Variants in LHX1 observed in about 807,000 individuals in gnomAD.
The protein encoded by LHX1 is LIM/homeobox protein Lhx1.
Under a neutral mutation model 34.1 loss-of-function variants are expected in LHX1, and 9 were observed. That is an observed-to-expected ratio of 0.26 (90% CI 0.16 to 0.46). The LOEUF is 0.46. LHX1 is among the 20% of genes least tolerant of loss of function. The pLI, the probability that LHX1 is intolerant of heterozygous loss-of-function variation, is 1.00. For synonymous variants in LHX1, 254 were observed against 241.5 expected, an observed-to-expected ratio of 1.05 and a Z score of -0.48; for missense variants, 446 against 559.1, an observed-to-expected ratio of 0.80 and a Z score of 2.04.
At position 36,943,197 on chromosome 17, in the gene LHX1, GAA is replaced by G. The variant is rs35033250; in HGVS notation, c.*76_*77del. On this transcript the variant is annotated 3_prime_UTR_variant, in exon 5 of 5. Coordinates refer to ENST00000614239, the MANE Select transcript of LHX1 (RefSeq NM_005568.5). ...AATGAACCTTTATTTAAGAAAAATA[GAA>G]AAAAAAAAACATAAAAAGCAAGTCC... 35,433 of 1,304,200 alleles carry G rather than the reference GAA, an allele frequency of 0.027. 1,392 individuals are homozygous for G. Among genetic ancestry groups the G allele is most frequent in the African/African-American group, 0.18 (11,820 of 66,640 alleles). 80.8% of individuals were successfully genotyped at this position (1,304,200 alleles called of 1,614,324 possible).
chr17:36,939,924 C>T (rs1180342114), intron 1 of LHX1: 1 of 426,928 alleles, frequency 2.3e-6, no homozygotes, highest in South Asian at 3.5e-5. Flanking sequence ...CCCCGTTCCC[C>T]CCGCCCACAC....
At position 36,940,894 on chromosome 17, in the gene LHX1, C is replaced by T. The variant is rs1243926465; in HGVS notation, c.675+7C>T. 2 of 1,576,208 alleles carry T rather than the reference C, an allele frequency of 1.3e-6. No individual in the cohort carries two copies. The highest frequency in any genetic ancestry group is 2.3e-5 in the South Asian group (2 of 87,672). ...CAACATGCGCGTCATTCAGGTCAGGCCCCGGCGCGCCTCTCCATCCCACAG... is the reference window on the plus strand; with the variant it reads ...CAACATGCGCGTCATTCAGGTCAGGTCCCGGCGCGCCTCTCCATCCCACAG... On this transcript the variant is annotated splice_region_variant and intron_variant, in intron 3 of 4. Transcript: ENST00000614239.
Position 36,938,243 on chromosome 17 carries a change from C to T in LHX1, c.46C>T (p.Leu16Phe). The T allele has an allele frequency of 3.1e-6, 5 of 1,614,172 alleles. No individual in the cohort carries two copies. The highest frequency in any genetic ancestry group is 4.2e-6 in the Non-Finnish European group (5 of 1,180,028). ...GCKRPILDRFLLNVLDRAWHV... is the reference protein window; with the variant it reads ...GCKRPILDRFFLNVLDRAWHV... ...CAAAAGGCCCATCCTGGACCGCTTT[C>T]TCTTGAACGTGCTGGACAGGGCCTG... Residue 16 changes from leucine to phenylalanine, a missense_variant, in exon 1 of 5, where the codon CTC becomes TTC. Leu to Phe is a conservative substitution (Grantham distance 22). This residue lies in a region of LHX1 where 168 missense variants were observed against 226.6 expected (regional missense o/e 0.74). Transcript: ENST00000614239.
Position 36,942,993 on chromosome 17 carries a change from G to C in LHX1, c.1083G>C (p.Leu361=). 1 of 1,611,294 alleles carries C rather than the reference G, an allele frequency of 6.2e-7. No homozygotes were observed. The highest frequency in any genetic ancestry group is 8.5e-7 in the Non-Finnish European group (1 of 1,179,244). The change falls in exon 5 of 5, where the codon CTG becomes CTC. Residue 361 remains leucine, a synonymous_variant. Coordinates refer to ENST00000614239, the MANE Select transcript of LHX1 (RefSeq NM_005568.5). ...PGDSPSPEPS[L]PGPLHSMSAE... is the part of the protein sequence containing the mutation. ...ACTCGCCCAGCCCCGAGCCCAGCCT[G>C]CCCGGGCCTCTGCACTCCATGTCGG...
chr17:36,937,272 C>G (rs1168639693), upstream of LHX1: 3 of 444,172 alleles, frequency 6.8e-6, no homozygotes, highest in East Asian at 1.5e-4. Flanking sequence ...TAGTGCCTCC[C>G]GAAGGAGCCC....
rs2070770937 is a variant in LHX1 at position 36,942,338 on chromosome 17, C to A, written c.814C>A (p.Pro272Thr). Residue 272 changes from proline to threonine, a missense_variant, in exon 4 of 5, where the codon CCC becomes ACC. Physicochemically the swap from Pro to Thr is conservative, Grantham distance 38. Coordinates refer to ENST00000614239, the MANE Select transcript of LHX1 (RefSeq NM_005568.5). ...VDRLEPGELI[P>T]NGPFSFYGDY... The stretch of plus-strand genomic sequence containing the variant: ...CCGCCTGGAGCCGGGCGAGCTCATC[C>A]CCAATGGTCCCTTCTCCTTCTACGG... 3.8e-6 allele frequency: 6 copies of A among 1,589,214 alleles called. No individual in the cohort carries two copies. The highest frequency in any genetic ancestry group is 5.1e-6 in the Non-Finnish European group (6 of 1,168,924).
rs2070785717 is a variant in LHX1 at position 36,943,924 on chromosome 17, C to CA, written c.*798dup. ...AAGAAAAGTATTCTACCTTCACACA[C>CA]AAAAAGTTAAAAAAAAAAAAAAAGA... On this transcript the variant is annotated 3_prime_UTR_variant, in exon 5 of 5. Coordinates refer to ENST00000614239, the MANE Select transcript of LHX1 (RefSeq NM_005568.5). 1 of 60,224 alleles carries CA rather than the reference C, an allele frequency of 1.7e-5. No homozygotes were observed. The highest frequency in any genetic ancestry group is 3.5e-5 in the Non-Finnish European group (1 of 28,706). 3.7% of individuals were successfully genotyped at this position (60,224 alleles called of 1,614,324 possible). A position where few individuals can be genotyped will look rare whatever the true frequency, so the allele number is the denominator to read the frequency against.
Position 36,943,504 on chromosome 17 carries a change from T to G in LHX1, c.*373T>G. 1.5e-5 allele frequency: 3 copies of G among 203,832 alleles called. No homozygotes were observed. The highest frequency in any genetic ancestry group is 2.0e-5 in the Non-Finnish European group (2 of 102,218). The allele number at this position is 203,832 out of a possible 1,614,324, so 12.6% of individuals were successfully genotyped here. Reference sequence around the variant, plus strand: ...CGCGGGTGCGCACAGCCGTTGGCGATGCCAGGAGCCGTGGGGAGGGAGGCC... The same window carrying G: ...CGCGGGTGCGCACAGCCGTTGGCGAGGCCAGGAGCCGTGGGGAGGGAGGCC... On this transcript the variant is annotated 3_prime_UTR_variant, in exon 5 of 5. Transcript: ENST00000614239.
chr17:36,941,524 T>C (rs1194895008), intron 3 of LHX1: 1 of 268,816 alleles, frequency 3.7e-6, no homozygotes, highest in Non-Finnish European at 7.3e-6. Flanking sequence ...CAGTGCTAGG[T>C]GTCCGGTTCA....
rs1312081331 is a variant in LHX1 at position 36,942,896 on chromosome 17, A to G, written c.986A>G (p.His329Arg). The G allele has an allele frequency of 6.3e-7, 1 of 1,595,920 alleles. No individual in the cohort carries two copies. Among genetic ancestry groups the G allele is most frequent in the Non-Finnish European group, 8.5e-7 (1 of 1,171,346 alleles). ...PSGTPLGGLE[H>R]PLPGHHPSSE... is the part of the protein sequence containing the mutation. ...GGGACGCCCCTGGGTGGCCTGGAGC[A>G]CCCGCTGCCGGGCCACCACCCGTCG... is the stretch of plus-strand genomic sequence containing the variant. Residue 329 changes from histidine (H) to arginine (R), a missense_variant, in exon 5 of 5, where the codon CAC becomes CGC. Around this residue, in one of 3 missense-constraint regions of LHX1, gnomAD observed 235 missense variants for 224.4 expected, o/e 1.05. Transcript: ENST00000614239.
At chr17:36,940,255 C>CA in intron 1 of LHX1, 35 bp from the exon 2 acceptor site, 1 of 474,264 alleles carries the variant, frequency 2.1e-6, no homozygotes. Context: ...GCTGACCCAT[C>CA]CCCGCCCCCG....
Position 36,940,617 on chromosome 17 carries a change from G to C in LHX1, c.405G>C (p.Thr135=). Residue 135 remains threonine (T), a synonymous_variant, in exon 3 of 5, where the codon ACG becomes ACC. Transcript: ENST00000614239. ...CTGTCCTTTCCCTCTTAGCCACCAC[G>C]GGCAGTGACCCCAGTTTGTCTCCGG... ...AKENSLHSAT[T]GSDPSLSPDS... 2 of 1,613,760 alleles carry C rather than the reference G, an allele frequency of 1.2e-6. No individual in the cohort carries two copies. Among genetic ancestry groups the C allele is most frequent in the Non-Finnish European group, 1.7e-6 (2 of 1,180,022 alleles).
At chr17:36,937,137 C>T (rs1025915527), upstream of LHX1, 6 of 409,416 alleles carry the variant, frequency 1.5e-5, no homozygotes, top group African/African-American at 4.3e-5. Flanking sequence ...GAAAGTCGAG[C>T]GACTGTGGGG....
chr17:36,943,144 CG>C lies in LHX1; in HGVS notation c.*15del. 6.2e-7 allele frequency: 1 copy of C among 1,611,446 alleles called. No homozygotes were observed. The highest frequency in any genetic ancestry group is 8.5e-7 in the Non-Finnish European group (1 of 1,179,506). On this transcript the variant is annotated 3_prime_UTR_variant, in exon 5 of 5. Transcript: ENST00000614239. Reference sequence around the variant, plus strand: ...GGCCGTGTGGTAGCGGGGTCTCGCACGGTCTGCGGAGTTCGTGGTTGTACAG... The same window carrying C: ...GGCCGTGTGGTAGCGGGGTCTCGCACGTCTGCGGAGTTCGTGGTTGTACAG...
At chr17:36,939,913 G>A (rs1297796574) in intron 1 of LHX1, 3 of 404,122 alleles carry the variant, frequency 7.4e-6, no homozygotes, top group South Asian at 3.5e-5. Flanking sequence ...GAAAATAAGT[G>A]CCCCGTTCCC....
At position 36,937,685 on chromosome 17, in the gene LHX1, C is replaced by T. The variant is rs1222944014; in HGVS notation, c.-513C>T. On this transcript the variant is annotated 5_prime_UTR_variant, in exon 1 of 5. Coordinates refer to ENST00000614239, the MANE Select transcript of LHX1 (RefSeq NM_005568.5). ...TCCCAGTGGTGGGCAGCCTGGCACGCACACAGTCGCCCTCATACCCCGACA... is the reference window on the plus strand; with the variant it reads ...TCCCAGTGGTGGGCAGCCTGGCACGTACACAGTCGCCCTCATACCCCGACA... 2.5e-6 allele frequency: 1 copy of T among 392,906 alleles called. No homozygotes were observed. The allele number at this position is 392,906 out of a possible 1,614,324, so 24.3% of individuals were successfully genotyped here. A position where few individuals can be genotyped will look rare whatever the true frequency, so the allele number is the denominator to read the frequency against.
rs1474718310 is a variant in LHX1, at chr17:36,938,276, A to C, written c.79A>C (p.Lys27Gln). The C allele has an allele frequency of 5.6e-6, 9 of 1,614,158 alleles. No individual in the cohort carries two copies. The highest frequency in any genetic ancestry group is 7.6e-6 in the Non-Finnish European group (9 of 1,179,986). The change falls in exon 1 of 5, where the codon AAG becomes CAG. Residue 27 changes from lysine to glutamine, a missense_variant. This residue lies in a region of LHX1 where 168 missense variants were observed against 226.6 expected (regional missense o/e 0.74). Transcript: ENST00000614239. ...CGTGCTGGACAGGGCCTGGCACGTCAAGTGCGTCCAGTGCTGTGAATGTAA... is the reference window on the plus strand; with the variant it reads ...CGTGCTGGACAGGGCCTGGCACGTCCAGTGCGTCCAGTGCTGTGAATGTAA... ...LNVLDRAWHV[K>Q]CVQCCECKCN...
At position 36,940,665 on chromosome 17, in the gene LHX1, C is replaced by T. The variant is rs1398624820; in HGVS notation, c.453C>T (p.Asp151=). The change falls in exon 3 of 5, where the codon GAC becomes GAT. Residue 151 remains aspartate (D), a synonymous_variant. Coordinates refer to ENST00000614239, the MANE Select transcript of LHX1 (RefSeq NM_005568.5). The part of the protein sequence containing the change: ...LSPDSQDPSQ[D]DAKDSESANV... Reference sequence around the variant, plus strand: ...CGGATTCCCAAGACCCGTCGCAGGACGACGCCAAGGACTCGGAGAGCGCCA... The same window carrying T: ...CGGATTCCCAAGACCCGTCGCAGGATGACGCCAAGGACTCGGAGAGCGCCA... The T allele has an allele frequency of 1.9e-6, 3 of 1,613,878 alleles. No individual in the cohort carries two copies. Among genetic ancestry groups the T allele is most frequent in the Admixed American group, 3.3e-5 (2 of 60,038 alleles).
chr17:36,942,500 G>C (rs1365493542), intron 4 of LHX1, 135 bp downstream of exon 4: 2 of 1,014,588 alleles, frequency 2.0e-6, no homozygotes, highest in Admixed American at 2.6e-5. Context: ...AAGGCTGGGA[G>C]TAAATCAAGG....
Sources: allele counts gnomAD v4.1 joint callset, GRCh38; gene constraint gnomAD v4.1.1; regional missense constraint gnomAD v4.1.1; transcripts MANE v1.5; gene names NCBI Gene and HGNC (gene_info 2026-07-23, HGNC 2026-07-21).